The following SLC17A8 variants were observed in gnomAD, a reference collection of about 807,000 sequenced individuals.
The protein encoded by SLC17A8 is solute carrier family 17 member 8, also known as vesicular glutamate transporter 3.
In SLC17A8, 31 loss-of-function variants were observed where a neutral mutation model predicts 58.0. The ratio of observed to expected loss-of-function variants is 0.53; its 90% CI spans 0.40 to 0.72. SLC17A8 has a LOEUF of 0.72. Ranked by LOEUF, SLC17A8 falls within the 30% of genes least tolerant of loss-of-function variation. SLC17A8 has a pLI of 0.00. For synonymous variants in SLC17A8, 228 were observed against 249.0 expected (o/e 0.92, Z 0.79); for missense variants, 655 against 727.8 (o/e 0.90, Z 1.15).
At chr12:100,384,533 TGTA>T (rs760206360) in intron 2 of SLC17A8, among the ~76,000 whole-genome samples, 1 of 152,070 alleles carries the variant, frequency 6.6e-6, no homozygotes, top group Non-Finnish European at 1.5e-5. Context: ...AGTTGGAGGT[TGTA>T]GTGAGTCGAG....
chr12:100,399,202 G>A (rs1413140206), intron 5 of SLC17A8, among the ~76,000 whole-genome samples: 2 of 152,098 alleles, frequency 1.3e-5, no homozygotes, highest in African/African-American at 4.8e-5. Context: ...TTCCTTCTTT[G>A]CATACCATTC....
chr12:100,368,525 A>G (rs1952536699), intron 1 of SLC17A8, among the ~76,000 whole-genome samples: 1 of 152,176 alleles, frequency 6.6e-6, no homozygotes, highest in South Asian at 2.1e-4. Context: ...GACAGAATTC[A>G]ATCTACCTCC....
chr12:100,394,197 G>A (rs947444373), intron 4 of SLC17A8, among the ~76,000 whole-genome samples: 1 of 151,874 alleles, frequency 6.6e-6, no homozygotes, highest in Non-Finnish European at 1.5e-5. Context: ...GCCAACCCTC[G>A]ATATACAGCA....
At chr12:100,392,579 A>T (rs76906036) in intron 3 of SLC17A8, among the ~76,000 whole-genome samples, 117 of 152,270 alleles carry the variant, frequency 7.7e-4, no homozygotes, top group African/African-American at 2.7e-3. Flanking sequence ...GTGATAAAAT[A>T]TTGGTTGCTA....
At chr12:100,417,876 A>G (rs1319908510) in intron 10 of SLC17A8, among the ~76,000 whole-genome samples, 153 bp from the exon 11 acceptor site, 1 of 152,254 alleles carries the variant, frequency 6.6e-6, no homozygotes, top group Non-Finnish European at 1.5e-5. Flanking sequence ...GTGCAGACAC[A>G]GCCTCTTGAA....
chr12:100,406,546 T>A (rs1188170217), intron 9 of SLC17A8, among the ~76,000 whole-genome samples: 1 of 152,004 alleles, frequency 6.6e-6, no homozygotes, highest in Non-Finnish European at 1.5e-5. Context: ...TCATTTTTTT[T>A]TTTTTTTGAG....
At chr12:100,390,697 C>G (rs1323197670) in intron 2 of SLC17A8, among the ~76,000 whole-genome samples, 1 of 151,878 alleles carries the variant, frequency 6.6e-6, no homozygotes, top group African/African-American at 2.4e-5. Flanking sequence ...GGCTGGAGTG[C>G]ATTGGCACTA....
At chr12:100,365,247 A>T (rs1394064344) in intron 1 of SLC17A8, among the ~76,000 whole-genome samples, 2 of 152,166 alleles carry the variant, frequency 1.3e-5, no homozygotes, top group African/African-American at 2.4e-5. Context: ...ACTCAGTAAC[A>T]TGCCATGAGA....
At chr12:100,377,867 C>T (rs558123902) in intron 1 of SLC17A8, among the ~76,000 whole-genome samples, 100 of 152,234 alleles carry the variant, frequency 6.6e-4, no homozygotes, top group African/African-American at 2.0e-3. Flanking sequence ...GGATTACAGG[C>T]GTGAGCCACC....
intron 10 of SLC17A8, among the ~76,000 whole-genome samples, chr12:100,415,602 A>G (rs1270407127): frequency 4.0e-5 from 6 of 151,788 alleles, no homozygotes; most frequent in East Asian, 3.9e-4. Flanking sequence ...CCAGATATAT[A>G]TATATTTTTT....
intron 1 of SLC17A8, among the ~76,000 whole-genome samples, chr12:100,364,560 T>C (rs573098601): frequency 4.5e-4 from 69 of 152,320 alleles, no homozygotes; most frequent in South Asian, 3.3e-3. Context: ...GGACGGAAGC[T>C]AGCTGACATC....
intron 2 of SLC17A8, among the ~76,000 whole-genome samples, chr12:100,384,742 G>A (rs1485131672): frequency 6.6e-6 from 1 of 152,192 alleles, no homozygotes; most frequent in African/African-American, 2.4e-5. Flanking sequence ...ACCCTGAGGA[G>A]GGAAGGGAGT....
At chr12:100,400,455 T>G (rs1435037681) in intron 5 of SLC17A8, among the ~76,000 whole-genome samples, 5 of 152,168 alleles carry the variant, frequency 3.3e-5, no homozygotes, top group Non-Finnish European at 5.9e-5. Context: ...GAGATGGATA[T>G]TTCATTCCCA....
intron 2 of SLC17A8, among the ~76,000 whole-genome samples, chr12:100,381,586 G>A (rs1296521587): frequency 3.3e-5 from 5 of 151,484 alleles, no homozygotes; most frequent in Non-Finnish European, 7.4e-5. Flanking sequence ...GAGAGAGAGA[G>A]AGAGAACGTA....
intron 11 of SLC17A8, among the ~76,000 whole-genome samples, chr12:100,418,807 C>A (rs1952926461): frequency 6.6e-6 from 1 of 152,142 alleles, no homozygotes; most frequent in Non-Finnish European, 1.5e-5. Context: ...GTTGGATTGC[C>A]TATTACAAAT....
chr12:100,372,564 C>T (rs566531810), intron 1 of SLC17A8, among the ~76,000 whole-genome samples: 19 of 152,232 alleles, frequency 1.2e-4, no homozygotes, highest in African/African-American at 4.6e-4. Flanking sequence ...TGAGGGCCCA[C>T]CCTAAGGGCC....
intron 7 of SLC17A8, 21 bp from the exon 8 acceptor site, chr12:100,402,575 C>A: frequency 1.2e-6 from 2 of 1,613,186 alleles, no homozygotes; most frequent in Non-Finnish European, 1.7e-6. Context: ...CTAAAAATAT[C>A]ATGGTATTTT....
At chr12:100,372,638 G>A (rs1952566166) in intron 1 of SLC17A8, among the ~76,000 whole-genome samples, 1 of 152,184 alleles carries the variant, frequency 6.6e-6, no homozygotes, top group Non-Finnish European at 1.5e-5. Flanking sequence ...TGGTGGTACT[G>A]GGGGTTAAGA....
chr12:100,383,218 A>G (rs946659002), intron 2 of SLC17A8, among the ~76,000 whole-genome samples: 5 of 152,242 alleles, frequency 3.3e-5, no homozygotes, highest in African/African-American at 9.6e-5. Context: ...ACCTTGGTCA[A>G]TAGAGTCTGC....
Sources: allele counts gnomAD v4.1 joint callset (sites outside exome capture counted in the v4.1 genomes callset), GRCh38; gene constraint gnomAD v4.1.1; transcripts MANE v1.5; gene names NCBI Gene and HGNC (gene_info 2026-07-23, HGNC 2026-07-21).